Variants in TRIM33 observed in about 807,000 individuals in gnomAD.
The protein encoded by TRIM33 is tripartite motif containing 33, also known as E3 ubiquitin-protein ligase TRIM33.
Under a neutral mutation model 125.4 loss-of-function variants are expected in TRIM33, and 20 were observed. That is an observed-to-expected ratio of 0.16 (90% CI 0.11 to 0.23). The LOEUF (loss-of-function observed/expected upper bound fraction) is 0.23. Among genes scored for constraint, TRIM33 ranks in the 10% least tolerant of loss-of-function variants. The probability of loss-of-function intolerance (pLI) is 1.00; values close to 1 mark genes in which losing one functional copy is unlikely to be tolerated. For missense variants in TRIM33, 920 were observed against 1,411.4 expected (o/e 0.65, Z 5.58); for synonymous variants, 564 against 513.9 (o/e 1.10, Z -1.32).
intron 4 of TRIM33, among the ~76,000 whole-genome samples, chr1:114,434,938 T>A (rs910998551): frequency 6.6e-6 from 1 of 152,072 alleles, no homozygotes. Flanking sequence ...AGTCAGAATA[T>A]GAGACAACAA....
At chr1:114,503,521 GCT>G (rs1341336131) in intron 1 of TRIM33, among the ~76,000 whole-genome samples, 9 of 152,072 alleles carry the variant, frequency 5.9e-5, no homozygotes, top group Admixed American at 4.6e-4. Flanking sequence ...ATTTATTATT[GCT>G]CTGTTTTGCA....
intron 1 of TRIM33, among the ~76,000 whole-genome samples, chr1:114,464,690 A>G (rs1182201851): frequency 6.6e-6 from 1 of 152,234 alleles, no homozygotes; most frequent in Non-Finnish European, 1.5e-5. Context: ...ATATTAATTT[A>G]CATGGTAAAA....
intron 4 of TRIM33, among the ~76,000 whole-genome samples, chr1:114,440,429 A>G (rs950192202): frequency 6.6e-6 from 1 of 152,184 alleles, no homozygotes; most frequent in Non-Finnish European, 1.5e-5. Flanking sequence ...AAGGAAAAAC[A>G]GCACCCTAAG....
intron 8 of TRIM33, 118 bp downstream of exon 8, chr1:114,427,059 C>T (rs535519826): frequency 3.2e-5 from 17 of 523,312 alleles, no homozygotes; most frequent in African/African-American, 2.9e-4. Flanking sequence ...CATATTTTTA[C>T]ATAAAATGTA....
intron 4 of TRIM33, among the ~76,000 whole-genome samples, chr1:114,459,481 A>G (rs965868056): frequency 5.3e-5 from 8 of 152,142 alleles, no homozygotes; most frequent in African/African-American, 1.9e-4. Context: ...TCTTTAAAAT[A>G]TTGTTGAGCT....
intron 1 of TRIM33, chr1:114,490,884 T>C (rs1262151452): frequency 6.6e-6 from 1 of 152,146 alleles, no homozygotes; most frequent in Non-Finnish European, 1.5e-5. Context: ...ACAGCACAGA[T>C]GAAGGCGAAG....
chr1:114,419,863 C>T (rs542176007), intron 11 of TRIM33, among the ~76,000 whole-genome samples: 11 of 152,008 alleles, frequency 7.2e-5, no homozygotes, highest in Non-Finnish European at 1.5e-4. Flanking sequence ...ATGTTGTTAC[C>T]TTAAATATAC....
chr1:114,399,809 G>A (rs919042586), intron 17 of TRIM33, among the ~76,000 whole-genome samples, 200 bp from the exon 18 acceptor site: 2 of 152,040 alleles, frequency 1.3e-5, no homozygotes, highest in Admixed American at 6.5e-5. Context: ...TTCATGGTTA[G>A]TCCAAGTCCC....
intron 6 of TRIM33, among the ~76,000 whole-genome samples, chr1:114,430,469 G>C (rs1284191262): frequency 1.3e-5 from 2 of 152,138 alleles, no homozygotes; most frequent in East Asian, 3.9e-4. Flanking sequence ...GCTGGATCCC[G>C]GGGCTCAAGC....
In TRIM33 at chr1:114,393,520, T is replaced by C. The variant is rs186207539; in HGVS notation, c.*4128A>G. On this transcript the variant is annotated 3_prime_UTR_variant, in exon 20 of 20. Transcript: ENST00000358465. ...ACTTAACTTTGTACACTTTGTAGTT[T>C]GATATGACAAATATATCCAAATTAA... 1.0e-5 allele frequency: 2 copies of C among 200,788 alleles called. No individual in the cohort carries two copies. The highest frequency in any genetic ancestry group is 6.0e-5 in the Admixed American group (1 of 16,636). 12.4% of individuals were successfully genotyped at this position (200,788 alleles called of 1,614,324 possible).
In TRIM33 at chr1:114,508,379, C is replaced by T. The variant is rs533635565; in HGVS notation, c.526+2172G>A. On this transcript the variant is annotated intron_variant, in intron 1 of 19. Coordinates refer to ENST00000358465, the MANE Select transcript of TRIM33 (RefSeq NM_015906.4). ...AACACAATCTGTATTTCTGGGTTCC[C>T]TCTAAATCTCTTACCTAACCCAGGT... 3.9e-5 allele frequency among the ~76,000 whole-genome samples: 6 copies of T among 152,240 alleles called. No individual in the cohort carries two copies. The South Asian group carries it at 1.2e-3, about 32-fold the overall frequency.
chr1:114,463,616 A>C, intron 2 of TRIM33, 60 bp from the exon 3 acceptor site: 1 of 1,098,188 alleles, frequency 9.1e-7, no homozygotes. Flanking sequence ...TCTAAAAAAA[A>C]AAAAAAACTT....
chr1:114,412,891 T>C (rs1362117268), intron 11 of TRIM33, among the ~76,000 whole-genome samples: 3 of 152,246 alleles, frequency 2.0e-5, no homozygotes, highest in South Asian at 4.1e-4. Context: ...TGAATCATTA[T>C]GACAGATACA....
intron 4 of TRIM33, among the ~76,000 whole-genome samples, chr1:114,453,268 G>C (rs1649427343): frequency 6.6e-6 from 1 of 151,574 alleles, no homozygotes; most frequent in Admixed American, 6.6e-5. Context: ...GGAAGCTGAG[G>C]CATGAGAATC....
rs1284576700 is a variant in TRIM33 at position 114,464,269 on chromosome 1, C to A, written c.645+1G>T. ...ATATAAAGAAAAATTGAGAAGCATA[C>A]CTGTTCTGATTTTTCATCAGAACTG... On this transcript the variant is annotated splice_donor_variant, in intron 2 of 19. Coordinates refer to ENST00000358465, the MANE Select transcript of TRIM33 (RefSeq NM_015906.4). LOFTEE classifies it high-confidence loss of function. 1 of 1,516,522 alleles carries A rather than the reference C, an allele frequency of 6.6e-7. No individual in the cohort carries two copies. Among genetic ancestry groups the A allele is most frequent in the Non-Finnish European group, 9.0e-7 (1 of 1,108,296 alleles). 93.9% of individuals were successfully genotyped at this position (1,516,522 alleles called of 1,614,324 possible).
intron 1 of TRIM33, among the ~76,000 whole-genome samples, chr1:114,485,618 A>C (rs1480156794): frequency 6.6e-6 from 1 of 152,184 alleles, no homozygotes; most frequent in Non-Finnish European, 1.5e-5. Flanking sequence ...ATCAGGAAGG[A>C]CCAAGGGAGA....
chr1:114,417,750 C>A (rs1653027464), intron 11 of TRIM33, among the ~76,000 whole-genome samples: 1 of 152,152 alleles, frequency 6.6e-6, no homozygotes, highest in Non-Finnish European at 1.5e-5. Context: ...CCTCCACCTC[C>A]CAGGTTCAAG....
chr1:114,413,887 C>T (rs1353073752), intron 11 of TRIM33, among the ~76,000 whole-genome samples: 2 of 151,968 alleles, frequency 1.3e-5, no homozygotes, highest in African/African-American at 4.8e-5. Context: ...ATTAGCCAGG[C>T]ATGGTAGCAT....
At chr1:114,462,416 T>A (rs914612388) in intron 4 of TRIM33, among the ~76,000 whole-genome samples, 1 of 152,194 alleles carries the variant, frequency 6.6e-6, no homozygotes, top group East Asian at 1.9e-4. Context: ...TCTATTCCCA[T>A]CCAGCCATAA....
Sources: allele counts gnomAD v4.1 joint callset (sites outside exome capture counted in the v4.1 genomes callset), GRCh38; gene constraint gnomAD v4.1.1; transcripts MANE v1.5; gene names NCBI Gene and HGNC (gene_info 2026-07-23, HGNC 2026-07-21).